The following DSCAML1 variants were observed in gnomAD, a reference collection of about 807,000 sequenced individuals.
DSCAML1 encodes DS cell adhesion molecule like 1, also known as cell adhesion molecule DSCAML1.
In DSCAML1, 38 loss-of-function variants were observed where a neutral mutation model predicts 200.5. That is an observed-to-expected ratio of 0.19 (90% CI 0.15 to 0.25). The LOEUF is 0.25. DSCAML1 is among the 10% of genes least tolerant of loss of function. The probability of loss-of-function intolerance (pLI) is 1.00; values close to 1 mark genes in which losing one functional copy is unlikely to be tolerated. For missense variants in DSCAML1, 2,223 were observed against 2,858.8 expected (o/e 0.78, Z 5.07); for synonymous variants, 1,215 against 1,165.0 (o/e 1.04, Z -0.87).
At chr11:117,634,323 C>T (rs2052233924) in intron 3 of DSCAML1, among the ~76,000 whole-genome samples, 2 of 152,160 alleles carry the variant, frequency 1.3e-5, no homozygotes, top group Admixed American at 6.5e-5. Context: ...CGAGTTCTGG[C>T]CTGGCTGTCA....
intron 32 of DSCAML1, among the ~76,000 whole-genome samples, chr11:117,429,775 T>C (rs912915885): frequency 1.3e-5 from 2 of 152,230 alleles, no homozygotes; most frequent in Admixed American, 6.5e-5. Flanking sequence ...AATGGGCCTC[T>C]TCCCCCGGGG....
At chr11:117,598,382 A>C (rs1189337428) in intron 3 of DSCAML1, among the ~76,000 whole-genome samples, 1 of 152,234 alleles carries the variant, frequency 6.6e-6, no homozygotes, top group Non-Finnish European at 1.5e-5. Flanking sequence ...TTCGTTCATT[A>C]ACTTGCCCAA....
Position 117,514,583 on chromosome 11 carries a change from T to C in DSCAML1, c.1783+1884A>G, listed in dbSNP as rs1238768760. ...TTTCTTTTCTTTTTCTTTTTTTTTT[T>C]TTTTTTTTTTTTTTTTGAGATGGAG... On this transcript the variant is annotated intron_variant, in intron 8 of 32. Transcript: ENST00000651296. Among the ~76,000 whole-genome samples the C allele has an allele frequency of 3.1e-4, 40 of 130,318 alleles. 1 individual carries two copies. Among genetic ancestry groups the C allele is most frequent in the African/African-American group, 3.7e-4 (11 of 29,740 alleles). 85.5% of individuals were successfully genotyped at this position (130,318 alleles called of 152,430 possible).
chr11:117,741,224 G>C (rs79895191), intron 3 of DSCAML1, among the ~76,000 whole-genome samples: 276 of 152,328 alleles, frequency 1.8e-3, no homozygotes, highest in Non-Finnish European at 2.9e-3. Context: ...CATCTAGGTG[G>C]GGCACCTACT....
At chr11:117,561,981 C>T (rs571662986) in intron 3 of DSCAML1, among the ~76,000 whole-genome samples, 1 of 152,282 alleles carries the variant, frequency 6.6e-6, no homozygotes, top group East Asian at 1.9e-4. Context: ...CATAGAAGTC[C>T]AGGAGGAACA....
At chr11:117,560,363 T>C (rs888233331) in intron 3 of DSCAML1, among the ~76,000 whole-genome samples, 27 of 152,316 alleles carry the variant, frequency 1.8e-4, no homozygotes, top group Non-Finnish European at 3.7e-4. Context: ...AACAGCCCTG[T>C]AGCCACTGCA....
At chr11:117,551,426 G>A (rs1283724752) in intron 3 of DSCAML1, among the ~76,000 whole-genome samples, 1 of 152,168 alleles carries the variant, frequency 6.6e-6, no homozygotes, top group East Asian at 1.9e-4. Context: ...TAAGTCATTA[G>A]GTTGTCTATG....
chr11:117,794,909 G>C (rs1452773356), intron 1 of DSCAML1, among the ~76,000 whole-genome samples: 2 of 152,146 alleles, frequency 1.3e-5, no homozygotes, highest in Non-Finnish European at 2.9e-5. Context: ...AGGGGCACCG[G>C]GCTCTGCAGA....
In DSCAML1 at chr11:117,428,599, G is replaced by A; in HGVS notation, c.5891C>T (p.Ala1964Val). ...CCTCTGAGGTAAGGTGGCTGTGGAG[G>A]CGGCAGCGGGGGCCCCTGGGTGGGG... ...GLPHPGAPAAASTATLPQRTL... is the reference protein window; with the variant it reads ...GLPHPGAPAAVSTATLPQRTL... Residue 1964 changes from alanine (A) to valine (V), a missense_variant, in exon 33 of 33, where the codon GCC becomes GTC. Around this residue, in one of 7 missense-constraint regions of DSCAML1, gnomAD observed 280 missense variants for 213.4 expected, o/e 1.31. Coordinates refer to ENST00000651296, the MANE Select transcript of DSCAML1 (RefSeq NM_020693.4). 1.9e-6 allele frequency: 3 copies of A among 1,601,088 alleles called. No individual in the cohort carries two copies. The highest frequency in any genetic ancestry group is 1.3e-5 in the African/African-American group (1 of 74,858).
intron 11 of DSCAML1, among the ~76,000 whole-genome samples, chr11:117,484,796 C>T (rs2049004405): frequency 6.6e-6 from 1 of 152,048 alleles, no homozygotes; most frequent in South Asian, 2.1e-4. Flanking sequence ...GGGACTGGGA[C>T]CCCCATGGGT....
At chr11:117,578,238 A>AG in intron 3 of DSCAML1, among the ~76,000 whole-genome samples, 1 of 92,406 alleles carries the variant, frequency 1.1e-5, no homozygotes, top group East Asian at 2.9e-4. Context: ...TCTGTCTCGA[A>AG]AAAAAAAAAA....
intron 3 of DSCAML1, among the ~76,000 whole-genome samples, chr11:117,648,336 G>T (rs1048220102): frequency 6.6e-6 from 1 of 152,218 alleles, no homozygotes; most frequent in Non-Finnish European, 1.5e-5. Context: ...AGGTTGAGTT[G>T]TAACAATTTC....
chr11:117,657,185 C>T (rs1401473439), intron 3 of DSCAML1, among the ~76,000 whole-genome samples: 4 of 152,150 alleles, frequency 2.6e-5, no homozygotes, highest in Non-Finnish European at 4.4e-5. Flanking sequence ...AGGTAACTTC[C>T]TTCCAGATTC....
chr11:117,657,471 C>T (rs1316719439), intron 3 of DSCAML1, among the ~76,000 whole-genome samples: 3 of 152,220 alleles, frequency 2.0e-5, no homozygotes, highest in Non-Finnish European at 4.4e-5. Flanking sequence ...TCTCCTGCCA[C>T]AAGTCCTTTT....
intron 3 of DSCAML1, among the ~76,000 whole-genome samples, chr11:117,572,773 C>T (rs1430577855): frequency 6.6e-6 from 1 of 152,184 alleles, no homozygotes; most frequent in Non-Finnish European, 1.5e-5. Context: ...ATCAGGTTCT[C>T]CTCTGCCCGT....
chr11:117,515,350 A>G (rs189129696), intron 8 of DSCAML1, among the ~76,000 whole-genome samples: 1 of 152,234 alleles, frequency 6.6e-6, no homozygotes, highest in African/African-American at 2.4e-5. Flanking sequence ...CTGGCCCCAG[A>G]GAAACCAGGC....
chr11:117,786,382 G>A (rs1168829021), intron 1 of DSCAML1, among the ~76,000 whole-genome samples: 1 of 152,254 alleles, frequency 6.6e-6, no homozygotes, highest in African/African-American at 2.4e-5. Flanking sequence ...GATTAGAAGT[G>A]TGGAAATAGC....
chr11:117,549,120 T>C (rs1248416117), intron 3 of DSCAML1, among the ~76,000 whole-genome samples: 1 of 152,126 alleles, frequency 6.6e-6, no homozygotes, highest in African/African-American at 2.4e-5. Context: ...CTACATGTGT[T>C]TCCCCATCAC....
chr11:117,576,161 C>A (rs763061564), intron 3 of DSCAML1, among the ~76,000 whole-genome samples: 26 of 152,160 alleles, frequency 1.7e-4, no homozygotes, highest in Non-Finnish European at 3.2e-4. Flanking sequence ...TACCCTTACC[C>A]GGACCTTCTA....
Sources: gnomAD v4.1 joint callset for allele counts (sites outside exome capture counted in the v4.1 genomes callset) on GRCh38, gnomAD v4.1.1 for gene constraint, gnomAD v4.1.1 regional missense constraint, MANE v1.5 for transcripts, NCBI Gene and HGNC (gene_info 2026-07-23, HGNC 2026-07-21) for gene names.